The following TRPC3 variants were observed in gnomAD, a reference collection of about 807,000 sequenced individuals.
The protein encoded by TRPC3 is transient receptor potential cation channel subfamily C member 3.
In TRPC3, 54 loss-of-function variants were observed where a neutral mutation model predicts 90.9. The ratio of observed to expected loss-of-function variants is 0.59; its 90% CI spans 0.48 to 0.75. The LOEUF (loss-of-function observed/expected upper bound fraction) is 0.75, where lower values mean the gene tolerates loss of function less well. TRPC3 is among the 30% of genes least tolerant of loss of function. The probability of loss-of-function intolerance (pLI) is 0.00; values close to 1 mark genes in which losing one functional copy is unlikely to be tolerated. For synonymous variants in TRPC3, 424 were observed against 450.9 expected, an observed-to-expected ratio of 0.94 and a Z score of 0.75; for missense variants, 918 against 1,194.5, an observed-to-expected ratio of 0.77 and a Z score of 3.41.
At chr4:121,949,678 T>C (rs1224265354) in intron 1 of TRPC3, among the ~76,000 whole-genome samples, 10 of 152,218 alleles carry the variant, frequency 6.6e-5, no homozygotes, top group Non-Finnish European at 1.0e-4. Flanking sequence ...AGAAACGTTT[T>C]TAATGTATAT....
intron 8 of TRPC3, among the ~76,000 whole-genome samples, chr4:121,903,276 G>T (rs1728765956): frequency 6.6e-6 from 1 of 152,004 alleles, no homozygotes; most frequent in African/African-American, 2.4e-5. Flanking sequence ...TGTACCCACT[G>T]AAATTTAACC....
In TRPC3 at chr4:121,932,412, G is replaced by A. The variant is rs1263973234; in HGVS notation, c.846C>T (p.Ser282=). The part of the protein sequence containing the change: ...CMEKQRHDSF[S]HSRSRINAYK... ...AGGCATTGATCCTCGAGCGTGAGTG[G>A]CTGAAGGAGTCGTGCCTCTGCTTCT... The change falls in exon 2 of 12, where the codon AGC becomes AGT. Residue 282 remains serine (S), a synonymous_variant. Transcript: ENST00000379645. The surrounding 1 kb of genome is among the most constrained non-coding windows in gnomAD (Gnocchi z 7.7). The A allele has an allele frequency of 1.2e-6, 2 of 1,614,184 alleles. No individual in the cohort carries two copies. Among genetic ancestry groups the A allele is most frequent in the East Asian group, 2.2e-5 (1 of 44,872 alleles).
chr4:121,947,875 G>A lies in TRPC3; in HGVS notation c.215+3591C>T, dbSNP rs1407661728. On this transcript the variant is annotated intron_variant, in intron 1 of 11. Transcript: ENST00000379645. The stretch of plus-strand genomic sequence containing the variant: ...TGATTTTGTGCATGTATGCTAATAC[G>A]TGCAAGGACTGATTCTTCTAACAGT... Among the ~76,000 whole-genome samples the A allele has an allele frequency of 7.2e-5, 11 of 152,112 alleles. 1 individual carries two copies. The East Asian group carries it at 1.3e-3, about 19-fold the overall frequency.
At chr4:121,889,118 C>G (rs376983100) in intron 10 of TRPC3, among the ~76,000 whole-genome samples, 27 of 152,256 alleles carry the variant, frequency 1.8e-4, no homozygotes, top group African/African-American at 5.3e-4. Flanking sequence ...AAAACTAGAC[C>G]TCTACCTCTC....
chr4:121,875,668 T>C lies in TRPC3; in HGVS notation c.*4068A>G, dbSNP rs1468804332. 4.0e-5 allele frequency among the ~76,000 whole-genome samples: 6 copies of C among 151,216 alleles called. No homozygotes were observed. Among genetic ancestry groups the C allele is most frequent in the Admixed American group, 3.3e-4 (5 of 15,144 alleles). The stretch of plus-strand genomic sequence containing the variant: ...CTCAGTAATTTATAACCTTATGTTA[T>C]GGTGCTAAAGCAACCATTATGAGTA... On this transcript the variant is annotated 3_prime_UTR_variant, in exon 12 of 12. Transcript: ENST00000379645.
intron 3 of TRPC3, among the ~76,000 whole-genome samples, chr4:121,917,907 C>T (rs1438243556): frequency 6.6e-6 from 1 of 152,122 alleles, no homozygotes; most frequent in African/African-American, 2.4e-5. Context: ...ACAAAATTCC[C>T]ATGAAGTTAA....
chr4:121,903,585 A>T (rs1164618996), intron 8 of TRPC3, among the ~76,000 whole-genome samples: 2 of 152,156 alleles, frequency 1.3e-5, no homozygotes, highest in Non-Finnish European at 2.9e-5. Context: ...GAGTGCCTGA[A>T]CTTGTTTTAC....
chr4:121,897,430 A>G (rs1429295781), intron 10 of TRPC3, among the ~76,000 whole-genome samples: 1 of 143,336 alleles, frequency 7.0e-6, no homozygotes, highest in Non-Finnish European at 1.5e-5. Context: ...CAGAATATAC[A>G]GGGAACTCAA....
intron 5 of TRPC3, 127 bp from the exon 6 acceptor site, chr4:121,910,514 A>G (rs911336759): frequency 1.5e-5 from 11 of 714,658 alleles, no homozygotes; most frequent in Non-Finnish European, 2.4e-5. Context: ...ATCACAAAGC[A>G]TTGACTGACT....
Position 121,879,231 on chromosome 4 carries a change from TAAAAAAA to T in TRPC3, c.*498_*504del, listed in dbSNP as rs5861543. 7.7e-6 allele frequency: 1 copy of T among 129,424 alleles called. No homozygotes were observed. The highest frequency in any genetic ancestry group is 2.8e-5 in the African/African-American group (1 of 36,220). The allele number at this position is 129,424 out of a possible 1,614,324, so 8.0% of individuals were successfully genotyped here. On this transcript the variant is annotated 3_prime_UTR_variant, in exon 12 of 12. Coordinates refer to ENST00000379645, the MANE Select transcript of TRPC3 (RefSeq NM_001130698.2). ...GTTGTAAAATGTCTTCAGTTTCTAT[TAAAAAAA>T]AAAAAAAAAAACCTCTTCAGAACTT... is the stretch of plus-strand genomic sequence containing the variant.
rs1233982157 is a variant in TRPC3, at chr4:121,932,328, C to T, written c.930G>A (p.Thr310=). The change falls in exon 2 of 12, where the codon ACG becomes ACA. Residue 310 remains threonine, a synonymous_variant. Coordinates refer to ENST00000379645, the MANE Select transcript of TRPC3 (RefSeq NM_001130698.2). The surrounding 1 kb of genome is among the most constrained non-coding windows in gnomAD (Gnocchi z 7.7). ...LSLSSEDPVL[T]ALELSNELAK... ...CCAGCTCGTTGCTGAGCTCTAGGGC[C>T]GTAAGCACCGGGTCCTCGCTGGACA... is the stretch of plus-strand genomic sequence containing the variant. 2.5e-6 allele frequency: 4 copies of T among 1,614,150 alleles called. No individual in the cohort carries two copies. In the Admixed American group the frequency reaches 5.0e-5, roughly 20 times the overall value.
intron 2 of TRPC3, among the ~76,000 whole-genome samples, chr4:121,929,658 G>A (rs887948075): frequency 1.3e-5 from 2 of 151,838 alleles, no homozygotes; most frequent in African/African-American, 4.8e-5. Flanking sequence ...ACCTCTTAGG[G>A]TATTGACCTT....
chr4:121,903,409 A>C (rs1317870097), intron 8 of TRPC3, among the ~76,000 whole-genome samples: 1 of 152,172 alleles, frequency 6.6e-6, no homozygotes, highest in Non-Finnish European at 1.5e-5. Flanking sequence ...CATGTTTGAC[A>C]ATAGTTGCCT....
In TRPC3 at chr4:121,909,518, C is replaced by T. The variant is rs116189959; in HGVS notation, c.1792+636G>A. Among the ~76,000 whole-genome samples, 429 of 152,160 alleles carry T rather than the reference C, an allele frequency of 2.8e-3. 3 individuals are homozygous for T. The highest frequency in any genetic ancestry group is 9.8e-3 in the African/African-American group (408 of 41,522). On this transcript the variant is annotated intron_variant, in intron 6 of 11. Transcript: ENST00000379645. ...TAACATTACTTACCATTGGTTTGTA[C>T]GGGGCAAGGAAGGCATCAATGTTCT...
At chr4:121,887,733 T>C (rs1022423562) in intron 10 of TRPC3, among the ~76,000 whole-genome samples, 1 of 152,216 alleles carries the variant, frequency 6.6e-6, no homozygotes, top group Admixed American at 6.5e-5. Context: ...AGTCTCACAA[T>C]AAATTCCTAT....
At chr4:121,895,515 G>A (rs1728488881) in intron 10 of TRPC3, among the ~76,000 whole-genome samples, 1 of 151,832 alleles carries the variant, frequency 6.6e-6, no homozygotes, top group Non-Finnish European at 1.5e-5. Flanking sequence ...CATCACAATG[G>A]ATAATAGAGA....
chr4:121,910,929 GA>G (rs1283907816), intron 5 of TRPC3, among the ~76,000 whole-genome samples: 2 of 152,080 alleles, frequency 1.3e-5, no homozygotes, highest in Non-Finnish European at 2.9e-5. Context: ...TGAAAAAGAT[GA>G]AACCCTTAAG....
intron 2 of TRPC3, among the ~76,000 whole-genome samples, chr4:121,927,067 A>G (rs1265543774): frequency 6.6e-6 from 1 of 152,198 alleles, no homozygotes. Flanking sequence ...TCTGAAGGGC[A>G]TATTACTGTG....
intron 2 of TRPC3, among the ~76,000 whole-genome samples, chr4:121,931,591 T>A (rs983971194): frequency 6.6e-6 from 1 of 152,250 alleles, no homozygotes; most frequent in African/African-American, 2.4e-5. Context: ...ATCACTTTGC[T>A]GTCCTCATAT....
Sources: gnomAD v4.1 joint callset for allele counts (sites outside exome capture counted in the v4.1 genomes callset) on GRCh38, gnomAD v4.1.1 for gene constraint, Gnocchi (gnomAD v3.1) non-coding constraint, MANE v1.5 for transcripts, NCBI Gene and HGNC (gene_info 2026-07-23, HGNC 2026-07-21) for gene names.